MMP2: variants seen among roughly 807,000 people sequenced by gnomAD.
The protein encoded by MMP2 is 72 kDa type IV collagenase.
In MMP2, 39 loss-of-function variants were observed where a neutral mutation model predicts 74.8. The ratio of observed to expected loss-of-function variants is 0.52; its 90% confidence interval spans 0.40 to 0.68. The LOEUF is 0.68. Among genes scored for constraint, MMP2 ranks in the 30% least tolerant of loss-of-function variants. The pLI, the probability that MMP2 is intolerant of heterozygous loss-of-function variation, is 0.00. For missense variants in MMP2, 803 were observed against 878.3 expected, an observed-to-expected ratio of 0.91 and a Z score of 1.08; for synonymous variants, 367 against 339.8, an observed-to-expected ratio of 1.08 and a Z score of -0.88.
At chr16:55,486,258 G>A (rs17859893) in intron 5 of MMP2, among the ~76,000 whole-genome samples, 148 of 151,984 alleles carry the variant, frequency 9.7e-4, no homozygotes, top group South Asian at 4.6e-3. Flanking sequence ...CCTGGTTTGC[G>A]TACTCCAACT....
At position 55,485,688 on chromosome 16, in the gene MMP2, C is replaced by T. The variant is rs749815676; in HGVS notation, c.743C>T (p.Thr248Ile). ...AATGGCAAGGAGTACAACAGCTGCA[C>T]TGATACCGGCCGCAGCGATGGCTTC... ...LFNGKEYNSC[T>I]DTGRSDGFLW... The change falls in exon 5 of 13, where the codon ACT becomes ATT. Residue 248 changes from threonine (T) to isoleucine (I), a missense_variant. Physicochemically the swap from Thr to Ile is moderately conservative, Grantham distance 89. Transcript: ENST00000219070. The T allele has an allele frequency of 6.2e-7, 1 of 1,614,048 alleles. No homozygotes were observed. Among genetic ancestry groups the T allele is most frequent in the African/African-American group, 1.3e-5 (1 of 74,910 alleles).
chr16:55,484,246 G>T, intron 3 of MMP2, 82 bp downstream of exon 3: 1 of 1,519,372 alleles, frequency 6.6e-7, no homozygotes, highest in South Asian at 1.2e-5. Context: ...AGAGGGGCGT[G>T]GGGATCCTAA....
intron 5 of MMP2, among the ~76,000 whole-genome samples, chr16:55,486,354 T>C (rs1378734502): frequency 3.5e-4 from 23 of 66,580 alleles, no homozygotes; most frequent in African/African-American, 1.0e-3. Context: ...TGCCTGTGTG[T>C]GTGTGTGTGT....
chr16:55,504,597 T>C (rs1424500271), intron 12 of MMP2, among the ~76,000 whole-genome samples: 1 of 151,952 alleles, frequency 6.6e-6, no homozygotes, highest in East Asian at 1.9e-4. Flanking sequence ...TTTGTTGTGT[T>C]TTGGTTTTGT....
chr16:55,500,651 G>T (rs114360385), intron 11 of MMP2, among the ~76,000 whole-genome samples: 20 of 152,324 alleles, frequency 1.3e-4, no homozygotes, highest in African/African-American at 4.6e-4. Context: ...CAGACAGCGT[G>T]CTCTACAGAG....
intron 11 of MMP2, among the ~76,000 whole-genome samples, chr16:55,498,834 C>A (rs574774932): frequency 6.6e-6 from 1 of 152,160 alleles, no homozygotes; most frequent in African/African-American, 2.4e-5. Flanking sequence ...AATTATTATT[C>A]CTCCCATTTT....
chr16:55,489,581 C>A, intron 6 of MMP2, 70 bp from the exon 7 acceptor site: 1 of 1,581,614 alleles, frequency 6.3e-7, no homozygotes, highest in South Asian at 1.1e-5. Context: ...AGGTCAGCGT[C>A]ATGTCATTGC....
In MMP2 at chr16:55,505,626, G is replaced by A. The variant is rs746687095; in HGVS notation, c.*184G>A. On this transcript the variant is annotated 3_prime_UTR_variant, in exon 13 of 13. Coordinates refer to ENST00000219070, the MANE Select transcript of MMP2 (RefSeq NM_004530.6). ...TGGCTCCTCCCGGTGCCCAAGAATA[G>A]ATGCTGACTGTACTCCTCCCAGGCG... The A allele has an allele frequency of 3.1e-6, 2 of 641,698 alleles. No individual in the cohort carries two copies. Among genetic ancestry groups the A allele is most frequent in the Non-Finnish European group, 5.6e-6 (2 of 356,798 alleles). 39.8% of individuals were successfully genotyped at this position (641,698 alleles called of 1,614,324 possible). A position where few individuals can be genotyped will look rare whatever the true frequency, so the allele number is the denominator to read the frequency against.
At chr16:55,485,870 C>T (rs1381253003) in intron 5 of MMP2, 93 bp downstream of exon 5, 6 of 1,317,846 alleles carry the variant, frequency 4.6e-6, no homozygotes, top group Non-Finnish European at 3.2e-6. Context: ...CTCTCCAGGA[C>T]TGGCTGCCAC....
At chr16:55,499,233 A>G (rs1962606499) in intron 11 of MMP2, among the ~76,000 whole-genome samples, 1 of 151,860 alleles carries the variant, frequency 6.6e-6, no homozygotes, top group African/African-American at 2.4e-5. Context: ...CCAGGTAGGG[A>G]CAGGTTGGGA....
At chr16:55,494,088 T>G (rs1279484733) in intron 9 of MMP2, among the ~76,000 whole-genome samples, 2 of 152,132 alleles carry the variant, frequency 1.3e-5, no homozygotes, top group Non-Finnish European at 2.9e-5. Flanking sequence ...CCATCATCCA[T>G]CCAGCCAGCC....
Position 55,491,911 on chromosome 16 carries a change from T to G in MMP2, c.1291T>G (p.Phe431Val), listed in dbSNP as rs1962415869. The G allele has an allele frequency of 2.5e-6, 4 of 1,613,896 alleles. No individual in the cohort carries two copies. Among genetic ancestry groups the G allele is most frequent in the Non-Finnish European group, 3.4e-6 (4 of 1,179,994 alleles). Residue 431 changes from phenylalanine to valine, a missense_variant, in exon 8 of 13, where the codon TTC becomes GTC. Physicochemically the swap from Phe to Val is conservative, Grantham distance 50. This residue lies in a region of MMP2 where 555 missense variants were observed against 592.0 expected (regional missense o/e 0.94). Coordinates refer to ENST00000219070, the MANE Select transcript of MMP2 (RefSeq NM_004530.6). ...ACCCATTTACACCTACACCAAGAACTTCCGTCTGTCCCAGGATGACATCAA... is the reference window on the plus strand; with the variant it reads ...ACCCATTTACACCTACACCAAGAACGTCCGTCTGTCCCAGGATGACATCAA... The part of the protein sequence containing the change: ...MAPIYTYTKN[F>V]RLSQDDIKGI...
intron 9 of MMP2, among the ~76,000 whole-genome samples, chr16:55,494,813 A>G (rs1484060428): frequency 4.6e-5 from 7 of 152,250 alleles, no homozygotes; most frequent in Non-Finnish European, 7.3e-5. Context: ...AGCACGTCCC[A>G]GTCAAGGAAG....
At chr16:55,504,012 G>T (rs1378025570) in intron 12 of MMP2, among the ~76,000 whole-genome samples, 1 of 152,120 alleles carries the variant, frequency 6.6e-6, no homozygotes, top group Non-Finnish European at 1.5e-5. Context: ...AAAAACATTA[G>T]CTACACATGA....
chr16:55,485,823 A>G (rs201768678), intron 5 of MMP2, 46 bp downstream of exon 5: 7 of 1,599,634 alleles, frequency 4.4e-6, no homozygotes, highest in Non-Finnish European at 5.1e-6. Flanking sequence ...CCAAGCCTCC[A>G]GCTTCCCGGG....
chr16:55,488,463 C>T (rs1183586987), intron 5 of MMP2, 80 bp from the exon 6 acceptor site: 15 of 1,386,548 alleles, frequency 1.1e-5, no homozygotes, highest in East Asian at 9.7e-5. Flanking sequence ...TGGTGTGAAC[C>T]GGCAGGTGGG....
At chr16:55,485,812 C>T in intron 5 of MMP2, 35 bp downstream of exon 5, 2 of 1,606,960 alleles carry the variant, frequency 1.2e-6, no homozygotes, top group Non-Finnish European at 1.7e-6. Flanking sequence ...GACTTTCCAC[C>T]CCAAGCCTCC....
Position 55,483,037 on chromosome 16 carries a change from C to T in MMP2, c.282C>T (p.Ile94=), listed in dbSNP as rs766549688. The change falls in exon 2 of 13, where the codon ATC becomes ATT. Residue 94 remains isoleucine, a synonymous_variant. Transcript: ENST00000219070. ...PQTGDLDQNT[I]ETMRKPRCGN... ...CAGGTGATCTTGACCAGAATACCAT[C>T]GAGACCATGCGGAAGCCACGCTGCG... The T allele has an allele frequency of 2.0e-5, 32 of 1,614,076 alleles. No homozygotes were observed. The highest frequency in any genetic ancestry group is 1.9e-4 in the African/African-American group (14 of 74,930).
chr16:55,479,574 C>T lies in MMP2; in HGVS notation c.95C>T (p.Ser32Leu). ...CTGAGCCACGCCGCCGCCGCGCCGT[C>T]GCCCATCATCAAGTTCCCCGGCGAT... is the stretch of plus-strand genomic sequence containing the variant. Reference protein sequence around the residue: ...CLLSHAAAAPSPIIKFPGDVA... With the variant: ...CLLSHAAAAPLPIIKFPGDVA... Residue 32 changes from serine (S) to leucine (L), a missense_variant, in exon 1 of 13, where the codon TCG (serine) becomes TTG (leucine). Physicochemically the swap from Ser to Leu is moderately radical, Grantham distance 145. This residue lies in a region of MMP2 where 223 missense variants were observed against 232.8 expected (regional missense o/e 0.96). Coordinates refer to ENST00000219070, the MANE Select transcript of MMP2 (RefSeq NM_004530.6). The T allele has an allele frequency of 6.2e-7, 1 of 1,613,514 alleles. No individual in the cohort carries two copies. Among genetic ancestry groups the T allele is most frequent in the Non-Finnish European group, 8.5e-7 (1 of 1,179,982 alleles).
Sources: allele counts gnomAD v4.1 joint callset (sites outside exome capture counted in the v4.1 genomes callset), GRCh38; gene constraint gnomAD v4.1.1; regional missense constraint gnomAD v4.1.1; transcripts MANE v1.5; gene names NCBI Gene and HGNC (gene_info 2026-07-23, HGNC 2026-07-21).